The following DTWD2 variants were observed in gnomAD, a reference collection of about 807,000 sequenced individuals.
DTWD2 encodes the protein tRNA-uridine aminocarboxypropyltransferase 2.
DTWD2 carries 39 observed loss-of-function variants against 31.8 expected under a neutral mutation model. The observed-to-expected ratio is 1.22, with a 90% CI of 0.95 to 1.60. The LOEUF is 1.60. Ranked by LOEUF, DTWD2 falls within the 40% of genes most tolerant of loss-of-function variation. The pLI is 0.00. For missense variants in DTWD2, 515 were observed against 381.5 expected, an observed-to-expected ratio of 1.35 and a Z score of -2.92; for synonymous variants, 180 against 142.8, an observed-to-expected ratio of 1.26 and a Z score of -1.86.
intron 2 of DTWD2, among the ~76,000 whole-genome samples, chr5:118,941,255 C>T (rs1754192189): frequency 6.6e-6 from 1 of 151,998 alleles, no homozygotes; most frequent in Admixed American, 6.6e-5. Flanking sequence ...TATACATGTG[C>T]CATGTTGGTG....
intron 3 of DTWD2, among the ~76,000 whole-genome samples, chr5:118,930,716 T>C (rs1291287991): frequency 6.6e-6 from 1 of 152,192 alleles, no homozygotes; most frequent in Non-Finnish European, 1.5e-5. Flanking sequence ...GAAAACATTA[T>C]GCTAAGTGAA....
chr5:118,884,227 G>T (rs544402677), intron 4 of DTWD2, among the ~76,000 whole-genome samples: 10 of 152,216 alleles, frequency 6.6e-5, no homozygotes, highest in East Asian at 5.8e-4. Context: ...CATACATGTA[G>T]TTCCTTTTGT....
At chr5:118,928,249 G>A (rs1753849225) in intron 4 of DTWD2, among the ~76,000 whole-genome samples, 1 of 151,914 alleles carries the variant, frequency 6.6e-6, no homozygotes, top group South Asian at 2.1e-4. Context: ...AGACTTCTCT[G>A]ATTAAATGTC....
chr5:118,855,665 T>C (rs932149973), intron 4 of DTWD2, among the ~76,000 whole-genome samples: 1 of 152,158 alleles, frequency 6.6e-6, no homozygotes, highest in African/African-American at 2.4e-5. Context: ...CTTAATAGGA[T>C]AGCATATAAC....
intron 1 of DTWD2, among the ~76,000 whole-genome samples, chr5:118,958,999 A>G (rs1330499419): frequency 6.6e-6 from 1 of 152,222 alleles, no homozygotes; most frequent in Non-Finnish European, 1.5e-5. Flanking sequence ...ATCATACTGA[A>G]CGGGCAAAAA....
intron 3 of DTWD2, among the ~76,000 whole-genome samples, chr5:118,937,380 C>G (rs1244378289): frequency 2.9e-5 from 1 of 34,216 alleles, no homozygotes; most frequent in Non-Finnish European, 6.3e-5. Context: ...TATGTTATCA[C>G]TGCAAAAAAA....
At chr5:118,945,751 C>T (rs145787000) in intron 1 of DTWD2, among the ~76,000 whole-genome samples, 205 of 121,760 alleles carry the variant, frequency 1.7e-3, no homozygotes, top group African/African-American at 7.9e-3. Context: ...GGCGACAGAG[C>T]GAGACTCCAA....
intron 1 of DTWD2, among the ~76,000 whole-genome samples, chr5:118,957,537 A>C (rs1389441559): frequency 1.3e-5 from 2 of 152,028 alleles, no homozygotes; most frequent in African/African-American, 4.8e-5. Context: ...TGATTTTTTA[A>C]TTACAGTGTG....
intron 4 of DTWD2, among the ~76,000 whole-genome samples, chr5:118,849,024 T>C (rs966108381): frequency 1.3e-5 from 2 of 152,062 alleles, no homozygotes; most frequent in Non-Finnish European, 2.9e-5. Flanking sequence ...AATTGACAAA[T>C]GGGATCTAAT....
intron 4 of DTWD2, among the ~76,000 whole-genome samples, chr5:118,867,063 G>A (rs767472008): frequency 6.6e-6 from 1 of 152,068 alleles, no homozygotes; most frequent in East Asian, 1.9e-4. Context: ...TCTGACAAAT[G>A]TAGTAATGAC....
intron 4 of DTWD2, among the ~76,000 whole-genome samples, chr5:118,920,835 T>G (rs1404200433): frequency 6.6e-6 from 1 of 152,200 alleles, no homozygotes; most frequent in Non-Finnish European, 1.5e-5. Flanking sequence ...GAGCGTTCTT[T>G]GTTTTTTCCA....
chr5:118,939,349 T>C (rs1754128720), intron 2 of DTWD2, 59 bp from the exon 3 acceptor site: 1 of 1,334,940 alleles, frequency 7.5e-7, no homozygotes, highest in Admixed American at 2.7e-5. Context: ...CACTTTTAAA[T>C]ATTTTATAAT....
At chr5:118,884,783 G>A (rs1049222256) in intron 4 of DTWD2, among the ~76,000 whole-genome samples, 7 of 152,044 alleles carry the variant, frequency 4.6e-5, no homozygotes, top group African/African-American at 1.4e-4. Context: ...GAGGCAGGAA[G>A]ATCACAAGGT....
chr5:118,843,237 G>C (rs1751764061), intron 5 of DTWD2, among the ~76,000 whole-genome samples: 1 of 151,640 alleles, frequency 6.6e-6, no homozygotes, highest in Non-Finnish European at 1.5e-5. Flanking sequence ...TTACAGGTGT[G>C]AGCCACCGCA....
chr5:118,845,655 G>A (rs1379774102), intron 5 of DTWD2, among the ~76,000 whole-genome samples: 1 of 152,122 alleles, frequency 6.6e-6, no homozygotes, highest in Non-Finnish European at 1.5e-5. Flanking sequence ...ACCAAAGCAA[G>A]CAGAATGAGG....
intron 4 of DTWD2, among the ~76,000 whole-genome samples, chr5:118,861,733 T>C (rs1752264157): frequency 6.6e-6 from 1 of 152,044 alleles, no homozygotes; most frequent in African/African-American, 2.4e-5. Context: ...CATGGGTCAG[T>C]ATAGCGAAAA....
At chr5:118,935,024 G>A (rs1183631676) in intron 3 of DTWD2, among the ~76,000 whole-genome samples, 1 of 152,094 alleles carries the variant, frequency 6.6e-6, no homozygotes, top group Non-Finnish European at 1.5e-5. Flanking sequence ...ATTAGTCACT[G>A]GAAAGACTAA....
chr5:118,908,821 A>C (rs1326644109), intron 4 of DTWD2, among the ~76,000 whole-genome samples: 1 of 152,250 alleles, frequency 6.6e-6, no homozygotes, highest in South Asian at 2.1e-4. Context: ...ACAATTGATC[A>C]GAAAGAACGT....
chr5:118,974,063 G>A, intron 1 of DTWD2: 1 of 1,606,568 alleles, frequency 6.2e-7, no homozygotes, highest in African/African-American at 1.3e-5. Flanking sequence ...CAAGCGGGCA[G>A]CTGAAGATGA....
Sources: allele counts gnomAD v4.1 joint callset (sites outside exome capture counted in the v4.1 genomes callset), GRCh38; gene constraint gnomAD v4.1.1; transcripts MANE v1.5; gene names NCBI Gene and HGNC (gene_info 2026-07-23, HGNC 2026-07-21).